The following SLC2A9 variants were observed in gnomAD, a reference collection of about 807,000 sequenced individuals.
SLC2A9 encodes solute carrier family 2, facilitated glucose transporter member 9.
SLC2A9 carries 39 observed loss-of-function variants against 50.6 expected under a neutral mutation model. That is an observed-to-expected ratio of 0.77 (90% confidence interval 0.60 to 1.01). The LOEUF (loss-of-function observed/expected upper bound fraction) is 1.01, where lower values mean the gene tolerates loss of function less well. SLC2A9 is among the 50% of genes least tolerant of loss of function. SLC2A9 has a pLI of 0.00. For synonymous variants in SLC2A9, 324 were observed against 276.9 expected (o/e 1.17, Z -1.69); for missense variants, 686 against 677.6 (o/e 1.01, Z -0.14).
At chr4:9,801,650 T>C (rs1000476359) in intron 3 of SLC2A9, among the ~76,000 whole-genome samples, 2 of 152,076 alleles carry the variant, frequency 1.3e-5, no homozygotes, top group South Asian at 4.2e-4. Context: ...TCAGAGGAAG[T>C]TGAGGTAGAA....
chr4:9,806,512 C>T (rs1327702320), intron 3 of SLC2A9, among the ~76,000 whole-genome samples: 1 of 152,192 alleles, frequency 6.6e-6, no homozygotes, highest in Non-Finnish European at 1.5e-5. Context: ...GGCTGTGAAA[C>T]CCCTGATTTC....
intron 5 of SLC2A9, among the ~76,000 whole-genome samples, chr4:9,974,555 G>C (rs1754462696): frequency 1.3e-5 from 2 of 151,474 alleles, no homozygotes; most frequent in South Asian, 4.2e-4. Flanking sequence ...AACCAAGGAG[G>C]TGAAAGATTT....
intron 3 of SLC2A9, chr4:9,792,744 T>A (rs946858630): frequency 2.6e-5 from 4 of 152,268 alleles, no homozygotes; most frequent in African/African-American, 9.6e-5. Flanking sequence ...ACATGTGTCT[T>A]CACAAAGAAC....
chr4:9,879,558 C>T (rs1306670864), intron 10 of SLC2A9: 1 of 985,178 alleles, frequency 1.0e-6, no homozygotes, highest in African/African-American at 1.7e-5. Context: ...CCAGAGGGGT[C>T]CTTTTTCCAA....
At chr4:9,933,789 G>C (rs1279478283) in intron 6 of SLC2A9, among the ~76,000 whole-genome samples, 1 of 152,166 alleles carries the variant, frequency 6.6e-6, no homozygotes, top group Non-Finnish European at 1.5e-5. Flanking sequence ...AGGCTCTAGG[G>C]AGAATCCGCC....
At chr4:9,887,316 C>A (rs1736450891) in intron 10 of SLC2A9, among the ~76,000 whole-genome samples, 1 of 152,252 alleles carries the variant, frequency 6.6e-6, no homozygotes, top group Non-Finnish European at 1.5e-5. Context: ...CGCGTATGAA[C>A]TGCTCTTGCT....
At chr4:9,866,193 G>A (rs1732435419) in intron 10 of SLC2A9, among the ~76,000 whole-genome samples, 1 of 151,870 alleles carries the variant, frequency 6.6e-6, no homozygotes. Context: ...TATGAACATG[G>A]ATGCTAATTA....
At chr4:9,840,536 A>G (rs1577474022) in intron 10 of SLC2A9, among the ~76,000 whole-genome samples, 1 of 152,358 alleles carries the variant, frequency 6.6e-6, no homozygotes, top group East Asian at 1.9e-4. Context: ...ATGACAAAGT[A>G]TAAAAAGGAA....
chr4:10,025,313 CGCCTGTAAAATAGG>C (rs1763715051), upstream of SLC2A9, among the ~76,000 whole-genome samples: 1 of 152,120 alleles, frequency 6.6e-6, no homozygotes, highest in African/African-American at 2.4e-5. Context: ...CTCAGTTCAT[CGCCTGTAAAATAGG>C]GCCAGTGATG....
At position 9,916,911 on chromosome 4, in the gene SLC2A9, AT is replaced by A. The variant is rs1290136285; in HGVS notation, c.1002+3473del. Among the ~76,000 whole-genome samples the A allele has an allele frequency of 2.0e-5, 3 of 152,342 alleles. No homozygotes were observed. In the East Asian group the frequency reaches 5.8e-4, roughly 29 times the overall value. On this transcript the variant is annotated intron_variant, in intron 7 of 11. Transcript: ENST00000264784. ...GACACTCAGGTGCCCACCATGTGGC[AT>A]GGGCTGCTCTGGTGCTGGAGGCACA...
intron 3 of SLC2A9, among the ~76,000 whole-genome samples, chr4:9,780,540 AG>A (rs1458746539): frequency 2.0e-5 from 3 of 152,050 alleles, no homozygotes; most frequent in Non-Finnish European, 4.4e-5. Flanking sequence ...CGTTTGGTGG[AG>A]GGGGAGACTA....
intron 4 of SLC2A9, 77 bp downstream of exon 4, chr4:9,985,592 C>T: frequency 1.9e-6 from 3 of 1,584,536 alleles, no homozygotes; most frequent in Non-Finnish European, 2.6e-6. Context: ...CATGTGACAG[C>T]CCCAAACACT....
At chr4:9,938,546 C>T (rs1225440025) in intron 6 of SLC2A9, among the ~76,000 whole-genome samples, 1 of 152,176 alleles carries the variant, frequency 6.6e-6, no homozygotes, top group Non-Finnish European at 1.5e-5. Context: ...GCTGGGATTA[C>T]AGGCGTGAGC....
chr4:9,917,536 G>A (rs1361329765), intron 7 of SLC2A9, among the ~76,000 whole-genome samples: 1 of 151,852 alleles, frequency 6.6e-6, no homozygotes, highest in African/African-American at 2.4e-5. Flanking sequence ...TCACCATGTT[G>A]GCCAGGATGG....
At chr4:9,900,255 T>C (rs1467986026) in intron 8 of SLC2A9, among the ~76,000 whole-genome samples, 1 of 152,078 alleles carries the variant, frequency 6.6e-6, no homozygotes, top group East Asian at 1.9e-4. Flanking sequence ...CATCCGCACT[T>C]TCCTTTGGTG....
chr4:9,854,819 A>G (rs937187497), intron 10 of SLC2A9, among the ~76,000 whole-genome samples: 2 of 152,252 alleles, frequency 1.3e-5, no homozygotes. Context: ...TATACAAATC[A>G]ATAGATGTGA....
intron 5 of SLC2A9, among the ~76,000 whole-genome samples, chr4:9,964,037 G>T (rs566072713): frequency 6.6e-6 from 1 of 152,190 alleles, no homozygotes. Flanking sequence ...GACCTGGCAC[G>T]TCACCATCCT....
chr4:9,885,960 T>TGCG (rs1273478759), intron 10 of SLC2A9, among the ~76,000 whole-genome samples: 3 of 152,216 alleles, frequency 2.0e-5, no homozygotes, highest in Admixed American at 1.3e-4. Flanking sequence ...CATGTCTGCA[T>TGCG]TAAACAAATG....
At chr4:9,938,422 C>A (rs1297968951) in intron 6 of SLC2A9, among the ~76,000 whole-genome samples, 1 of 152,028 alleles carries the variant, frequency 6.6e-6, no homozygotes, top group Non-Finnish European at 1.5e-5. Flanking sequence ...CAGGCGCCTG[C>A]CAACACGCCC....
Sources: gnomAD v4.1 joint callset for allele counts (sites outside exome capture counted in the v4.1 genomes callset) on GRCh38, gnomAD v4.1.1 for gene constraint, MANE v1.5 for transcripts, NCBI Gene and HGNC (gene_info 2026-07-23, HGNC 2026-07-21) for gene names.